Variants in THSD7B observed in about 807,000 individuals in gnomAD.
The protein encoded by THSD7B is thrombospondin type-1 domain-containing protein 7B.
In THSD7B, 138 loss-of-function variants were observed where a neutral mutation model predicts 213.6. That is an observed-to-expected ratio of 0.65 (90% CI 0.56 to 0.74). THSD7B has a LOEUF of 0.74. Among genes scored for constraint, THSD7B ranks in the 30% least tolerant of loss-of-function variants. The pLI, the probability that THSD7B is intolerant of heterozygous loss-of-function variation, is 0.00. For missense variants in THSD7B, 1,931 were observed against 1,991.5 expected, an observed-to-expected ratio of 0.97 and a Z score of 0.58; for synonymous variants, 742 against 687.0, an observed-to-expected ratio of 1.08 and a Z score of -1.25.
intron 7 of THSD7B, among the ~76,000 whole-genome samples, chr2:137,211,702 A>G (rs1681116879): frequency 6.6e-6 from 1 of 151,940 alleles, no homozygotes; most frequent in Admixed American, 6.6e-5. Flanking sequence ...TGTTTGATTC[A>G]TGGTTTGTGA....
chr2:137,599,675 A>C (rs1443951292), intron 17 of THSD7B, among the ~76,000 whole-genome samples: 1 of 152,098 alleles, frequency 6.6e-6, no homozygotes, highest in Non-Finnish European at 1.5e-5. Flanking sequence ...TGCTATAAAG[A>C]CACATGCACA....
chr2:137,395,635 G>A (rs1255209783), intron 12 of THSD7B, among the ~76,000 whole-genome samples: 1 of 152,048 alleles, frequency 6.6e-6, no homozygotes, highest in South Asian at 2.1e-4. Context: ...TTTTTTTGTT[G>A]TGTCTCTGTC....
intron 15 of THSD7B, among the ~76,000 whole-genome samples, chr2:137,462,521 C>A (rs1178333275): frequency 6.6e-6 from 1 of 151,978 alleles, no homozygotes; most frequent in African/African-American, 2.4e-5. Flanking sequence ...TCATGACGAA[C>A]AACTTTTGTA....
intron 10 of THSD7B, among the ~76,000 whole-genome samples, chr2:137,270,174 A>G (rs1380501064): frequency 6.8e-6 from 1 of 146,248 alleles, no homozygotes; most frequent in African/African-American, 2.5e-5. Context: ...CAATACAGAG[A>G]TGGAATCTGG....
intron 17 of THSD7B, among the ~76,000 whole-genome samples, chr2:137,609,786 A>C (rs1682254303): frequency 6.6e-6 from 1 of 152,146 alleles, no homozygotes; most frequent in Admixed American, 6.5e-5. Flanking sequence ...AATCTGTAGA[A>C]TGGGAAGATT....
intron 5 of THSD7B, among the ~76,000 whole-genome samples, chr2:137,116,079 G>T (rs1688443575): frequency 1.3e-5 from 2 of 152,148 alleles, no homozygotes; most frequent in African/African-American, 4.8e-5. Flanking sequence ...GGTTAGGAAG[G>T]CAAGATGCAA....
At chr2:137,236,966 C>T (rs1250662428) in intron 9 of THSD7B, among the ~76,000 whole-genome samples, 2 of 152,000 alleles carry the variant, frequency 1.3e-5, no homozygotes, top group Non-Finnish European at 2.9e-5. Flanking sequence ...CAAAAATTAG[C>T]CAGGAGTGGT....
chr2:137,580,731 C>T (rs965797795), intron 17 of THSD7B, among the ~76,000 whole-genome samples: 1 of 152,158 alleles, frequency 6.6e-6, no homozygotes, highest in African/African-American at 2.4e-5. Context: ...AGCATGGTTT[C>T]TGGGAAGGCC....
intron 1 of THSD7B, among the ~76,000 whole-genome samples, chr2:136,836,494 T>C (rs944636398): frequency 2.6e-5 from 4 of 152,196 alleles, no homozygotes; most frequent in Admixed American, 6.6e-5. Flanking sequence ...ATTGTATTAA[T>C]TGGTAAAGCC....
At chr2:137,255,164 C>G (rs1682277039) in intron 10 of THSD7B, among the ~76,000 whole-genome samples, 1 of 152,128 alleles carries the variant, frequency 6.6e-6, no homozygotes, top group African/African-American at 2.4e-5. Flanking sequence ...CACCCAAAAT[C>G]AGAAACAACT....
chr2:137,152,183 T>G (rs932243357), intron 5 of THSD7B, among the ~76,000 whole-genome samples: 1 of 152,108 alleles, frequency 6.6e-6, no homozygotes, highest in Non-Finnish European at 1.5e-5. Context: ...GAAATAATCT[T>G]AAGTACTTTT....
At chr2:137,363,294 A>G (rs1358926820) in intron 12 of THSD7B, among the ~76,000 whole-genome samples, 1 of 152,202 alleles carries the variant, frequency 6.6e-6, no homozygotes, top group Non-Finnish European at 1.5e-5. Context: ...GGAAAGATCT[A>G]AAATCGACAC....
intron 9 of THSD7B, among the ~76,000 whole-genome samples, chr2:137,241,850 A>G (rs1376978877): frequency 6.6e-6 from 1 of 151,694 alleles, no homozygotes; most frequent in Non-Finnish European, 1.5e-5. Context: ...TGGAGGTTGC[A>G]GTGAGCCGAG....
At chr2:136,952,255 AT>A (rs1685049636) in intron 2 of THSD7B, among the ~76,000 whole-genome samples, 1 of 152,160 alleles carries the variant, frequency 6.6e-6, no homozygotes. Flanking sequence ...TTGAAATTAC[AT>A]TAACAAAACA....
At chr2:137,283,398 C>T (rs1486454684) in intron 12 of THSD7B, among the ~76,000 whole-genome samples, 1 of 152,096 alleles carries the variant, frequency 6.6e-6, no homozygotes, top group Non-Finnish European at 1.5e-5. Flanking sequence ...ATTTCCTTCT[C>T]CTGCCTGATT....
At chr2:137,183,024 A>C (rs1680484155) in intron 7 of THSD7B, among the ~76,000 whole-genome samples, 1 of 152,158 alleles carries the variant, frequency 6.6e-6, no homozygotes, top group Non-Finnish European at 1.5e-5. Flanking sequence ...TGTGTAAAAA[A>C]ACTTACTTAA....
intron 12 of THSD7B, among the ~76,000 whole-genome samples, chr2:137,336,300 C>T (rs182633583): frequency 1.3e-5 from 2 of 152,302 alleles, no homozygotes; most frequent in Non-Finnish European, 2.9e-5. Context: ...CCTGCTTCCT[C>T]CACAACCTAT....
In THSD7B at chr2:136,998,960, C is replaced by CACA. The variant is rs1558882067; in HGVS notation, c.140-57460_140-57459insACA. 9.3e-4 allele frequency among the ~76,000 whole-genome samples: 106 copies of CACA among 114,298 alleles called. 2 individuals are homozygous for CACA. Among genetic ancestry groups the CACA allele is most frequent in the Admixed American group, 6.4e-3 (78 of 12,126 alleles). The allele number at this position is 114,298 out of a possible 152,430, so 75.0% of individuals were successfully genotyped here. A position where few individuals can be genotyped will look rare whatever the true frequency, so the allele number is the denominator to read the frequency against. ...CACACACACACACACACACACACAC[C>CACA]CCTGCTTTCTTTTTATCCAAGTCTT... On this transcript the variant is annotated intron_variant, in intron 2 of 27. Transcript: ENST00000409968.
intron 12 of THSD7B, among the ~76,000 whole-genome samples, chr2:137,308,245 G>A (rs954136827): frequency 2.6e-5 from 4 of 151,938 alleles, no homozygotes; most frequent in Non-Finnish European, 4.4e-5. Context: ...GGTCCAAGCA[G>A]AAAAGATCAC....
Sources: gnomAD v4.1 joint callset for allele counts (sites outside exome capture counted in the v4.1 genomes callset) on GRCh38, gnomAD v4.1.1 for gene constraint, MANE v1.5 for transcripts, NCBI Gene and HGNC (gene_info 2026-07-23, HGNC 2026-07-21) for gene names.